The following ASIC2 variants were observed in gnomAD, a reference collection of about 807,000 sequenced individuals.
ASIC2 encodes acid sensing ion channel subunit 2.
A neutral mutation model predicts 57.3 loss-of-function variants in ASIC2; 25 were observed. That is an observed-to-expected ratio of 0.44 (90% CI 0.32 to 0.61). The LOEUF (loss-of-function observed/expected upper bound fraction) is 0.61. Ranked by LOEUF, ASIC2 falls within the 20% of genes least tolerant of loss-of-function variation. The pLI is 0.06. For synonymous variants in ASIC2, 319 were observed against 307.5 expected (o/e 1.04, Z -0.39); for missense variants, 641 against 738.1 (o/e 0.87, Z 1.52).
At chr17:33,213,529 T>A (rs925598309) in intron 1 of ASIC2, among the ~76,000 whole-genome samples, 1 of 152,220 alleles carries the variant, frequency 6.6e-6, no homozygotes, top group African/African-American at 2.4e-5. Context: ...GGCTGTAGCA[T>A]GGCTTAACTG....
chr17:33,367,669 A>C (rs1908867558), intron 1 of ASIC2, among the ~76,000 whole-genome samples: 1 of 152,178 alleles, frequency 6.6e-6, no homozygotes. Flanking sequence ...TCTTCTCAGC[A>C]TCATTAACAG....
At chr17:33,902,015 G>C (rs1295932246) in intron 1 of ASIC2, among the ~76,000 whole-genome samples, 1 of 152,128 alleles carries the variant, frequency 6.6e-6, no homozygotes, top group Non-Finnish European at 1.5e-5. Context: ...AGCTAGAAAT[G>C]ACATGTCCCA....
intron 1 of ASIC2, among the ~76,000 whole-genome samples, chr17:34,100,841 CAAACTTACTTGATCATAGG>C (rs1910838906): frequency 6.6e-6 from 1 of 152,168 alleles, no homozygotes; most frequent in Non-Finnish European, 1.5e-5. Flanking sequence ...GGCTCATATC[CAAACTTACTTGATCATAGG>C]AAGCCATGGA....
At chr17:33,106,552 T>C (rs376336135) in intron 2 of ASIC2, among the ~76,000 whole-genome samples, 33 of 152,260 alleles carry the variant, frequency 2.2e-4, no homozygotes, top group African/African-American at 7.9e-4. Context: ...ATTCTCACCC[T>C]CACCCCCACT....
At chr17:33,811,225 T>C (rs557986357) in intron 1 of ASIC2, among the ~76,000 whole-genome samples, 68 of 152,326 alleles carry the variant, frequency 4.5e-4, no homozygotes, top group African/African-American at 1.6e-3. Flanking sequence ...CCTCCTTCTC[T>C]GTGTCTATCA....
intron 1 of ASIC2, among the ~76,000 whole-genome samples, chr17:33,184,435 C>T (rs1242760085): frequency 1.3e-5 from 2 of 152,150 alleles, no homozygotes; most frequent in African/African-American, 4.8e-5. Context: ...AAGGACCCAG[C>T]CCCCAGCCTT....
At chr17:34,034,263 C>T (rs960505743) in intron 1 of ASIC2, among the ~76,000 whole-genome samples, 1 of 152,168 alleles carries the variant, frequency 6.6e-6, no homozygotes, top group Non-Finnish European at 1.5e-5. Context: ...ACAAAAACCA[C>T]ATGATTATCT....
chr17:33,218,249 G>A (rs768506787), intron 1 of ASIC2, among the ~76,000 whole-genome samples: 1 of 152,226 alleles, frequency 6.6e-6, no homozygotes, highest in Non-Finnish European at 1.5e-5. Flanking sequence ...CTAGAAGCCT[G>A]GGTGGGGCTT....
intron 1 of ASIC2, among the ~76,000 whole-genome samples, chr17:34,091,496 T>C (rs1195569857): frequency 1.3e-5 from 2 of 152,230 alleles, no homozygotes; most frequent in African/African-American, 2.4e-5. Flanking sequence ...CTCCCCATTA[T>C]GCAGCCAGGA....
chr17:33,951,024 C>A (rs1904546256), intron 1 of ASIC2, among the ~76,000 whole-genome samples: 1 of 152,140 alleles, frequency 6.6e-6, no homozygotes, highest in African/African-American at 2.4e-5. Context: ...CCAGAAAAAC[C>A]TGATTGTGAA....
chr17:33,250,432 C>A (rs1597651029), intron 1 of ASIC2, among the ~76,000 whole-genome samples: 1 of 152,312 alleles, frequency 6.6e-6, no homozygotes, highest in East Asian at 1.9e-4. Flanking sequence ...CAGGGAAGAT[C>A]ATGCCACCAG....
chr17:34,066,271 G>T (rs932740286), intron 1 of ASIC2, among the ~76,000 whole-genome samples: 4 of 152,184 alleles, frequency 2.6e-5, no homozygotes, highest in Admixed American at 2.6e-4. Flanking sequence ...TGGAACCACT[G>T]GTTAATTAAG....
At chr17:33,589,291 G>A (rs757570938) in intron 1 of ASIC2, among the ~76,000 whole-genome samples, 12 of 152,184 alleles carry the variant, frequency 7.9e-5, no homozygotes, top group South Asian at 2.1e-4. Flanking sequence ...CTGGGGCCAG[G>A]AAAGCTTTCA....
chr17:33,375,174 G>A (rs1220324469), intron 1 of ASIC2, among the ~76,000 whole-genome samples: 1 of 152,168 alleles, frequency 6.6e-6, no homozygotes, highest in Admixed American at 6.5e-5. Context: ...AGAGAGCCCT[G>A]TGGTGGGGGT....
intron 1 of ASIC2, among the ~76,000 whole-genome samples, chr17:34,146,440 T>C (rs925857311): frequency 1.3e-5 from 2 of 152,100 alleles, no homozygotes; most frequent in Admixed American, 1.3e-4. Flanking sequence ...GAGGGAGTGT[T>C]CTCATAAAAA....
chr17:34,064,909 G>A lies in ASIC2; in HGVS notation c.555+91069C>T, dbSNP rs1370266905. On this transcript the variant is annotated intron_variant, in intron 1 of 9. Transcript: ENST00000359872. ...TGTTAGCGTGGATGCAGTGAACAGG[G>A]AACACTTCCACATGGCTAGTGGGAA... Among the ~76,000 whole-genome samples the A allele has an allele frequency of 3.9e-5, 6 of 152,136 alleles. No homozygotes were observed. In the South Asian group the frequency reaches 1.0e-3, roughly 26 times the overall value.
intron 1 of ASIC2, among the ~76,000 whole-genome samples, chr17:33,128,789 C>T (rs1049866263): frequency 1.2e-4 from 19 of 152,210 alleles, no homozygotes; most frequent in Admixed American, 3.3e-4. Context: ...CACTCACAGT[C>T]GGTGAATGCA....
intron 1 of ASIC2, among the ~76,000 whole-genome samples, chr17:33,332,624 C>T (rs911223390): frequency 1.3e-5 from 2 of 152,174 alleles, no homozygotes; most frequent in Non-Finnish European, 2.9e-5. Flanking sequence ...GGCATGGTGG[C>T]TCACGCTTGT....
chr17:33,058,825 C>G (rs1251934597), intron 3 of ASIC2, among the ~76,000 whole-genome samples: 2 of 152,040 alleles, frequency 1.3e-5, no homozygotes, highest in Non-Finnish European at 2.9e-5. Context: ...TCTCAAAGCT[C>G]TATGTACAAA....
Sources: allele counts gnomAD v4.1 joint callset (sites outside exome capture counted in the v4.1 genomes callset), GRCh38; gene constraint gnomAD v4.1.1; transcripts MANE v1.5; gene names NCBI Gene and HGNC (gene_info 2026-07-23, HGNC 2026-07-21).